SENP8: variants seen among roughly 807,000 people sequenced by gnomAD.
The protein encoded by SENP8 is SUMO peptidase family member, NEDD8 specific.
A neutral mutation model predicts 14.4 loss-of-function variants in SENP8; 10 were observed. That is an observed-to-expected ratio of 0.69 (90% CI 0.43 to 1.18). SENP8 has a LOEUF of 1.18. Ranked by LOEUF, SENP8 falls within the 50% of genes most tolerant of loss-of-function variation. The probability of loss-of-function intolerance (pLI) is 0.00; values close to 1 mark genes in which losing one functional copy is unlikely to be tolerated. For missense variants in SENP8, 202 were observed against 249.4 expected, an observed-to-expected ratio of 0.81 and a Z score of 1.28; for synonymous variants, 94 against 95.5, an observed-to-expected ratio of 0.98 and a Z score of 0.09.
At chr15:72,124,158 A>C (rs754575236) in intron 1 of SENP8, among the ~76,000 whole-genome samples, 18 of 152,216 alleles carry the variant, frequency 1.2e-4, no homozygotes, top group African/African-American at 1.7e-4. Flanking sequence ...AAAATTGAGA[A>C]TATTTCTTAC....
chr15:72,135,955 T>C (rs935049255), intron 1 of SENP8, among the ~76,000 whole-genome samples: 7 of 152,182 alleles, frequency 4.6e-5, no homozygotes, highest in Non-Finnish European at 1.0e-4. Context: ...CTCACAAGTA[T>C]GCAGTGTTTA....
upstream of SENP8, chr15:72,116,826 G>A (rs925482547): frequency 6.6e-6 from 1 of 152,190 alleles, no homozygotes; most frequent in Admixed American, 6.6e-5. Context: ...GAACAGACAA[G>A]ACGAGGTGCA....
At chr15:72,130,557 ATTTT>A (rs11411490) in intron 1 of SENP8, among the ~76,000 whole-genome samples, 55 of 106,128 alleles carry the variant, frequency 5.2e-4, no homozygotes, top group Admixed American at 6.9e-4. Context: ...ATGTTTTAGG[ATTTT>A]TTTTTTTTTT....
chr15:72,132,665 T>TA (rs1284286225), intron 1 of SENP8, among the ~76,000 whole-genome samples: 1 of 151,316 alleles, frequency 6.6e-6, no homozygotes, highest in African/African-American at 2.4e-5. Context: ...TTTTTTTTTT[T>TA]TTTTTTTTTA....
At chr15:72,138,916 G>C (rs1396434015) in intron 1 of SENP8, among the ~76,000 whole-genome samples, 2 of 141,742 alleles carry the variant, frequency 1.4e-5, no homozygotes, top group African/African-American at 5.3e-5. Context: ...AGTGAGCTGA[G>C]ATCGTGCCAC....
At chr15:72,125,511 G>A (rs567632595) in intron 1 of SENP8, among the ~76,000 whole-genome samples, 103 of 151,718 alleles carry the variant, frequency 6.8e-4, no homozygotes, top group African/African-American at 2.5e-3. Flanking sequence ...TTGATGTAAG[G>A]TATGAGGTAA....
At chr15:72,131,719 C>T (rs905515380) in intron 1 of SENP8, among the ~76,000 whole-genome samples, 2 of 152,170 alleles carry the variant, frequency 1.3e-5, no homozygotes, top group East Asian at 3.8e-4. Flanking sequence ...ACTGACAACA[C>T]ATTAACATCA....
At chr15:72,134,673 C>G (rs192085137) in intron 1 of SENP8, 1 of 211,488 alleles carries the variant, frequency 4.7e-6, no homozygotes, top group Non-Finnish European at 1.0e-5. Context: ...GGAGAGGTAT[C>G]CAATATATGT....
intron 1 of SENP8, among the ~76,000 whole-genome samples, chr15:72,128,439 T>C (rs1382416439): frequency 6.6e-6 from 1 of 152,216 alleles, no homozygotes; most frequent in East Asian, 1.9e-4. Flanking sequence ...AGGTAATTAT[T>C]AGACTGTTCC....
At chr15:72,121,210 A>C (rs2081164404) in intron 1 of SENP8, among the ~76,000 whole-genome samples, 1 of 152,190 alleles carries the variant, frequency 6.6e-6, no homozygotes, top group Non-Finnish European at 1.5e-5. Context: ...ATACCAGAAA[A>C]TAAATCAGGA....
upstream of SENP8, chr15:72,117,620 G>A (rs904411866): frequency 2.5e-6 from 1 of 393,936 alleles, no homozygotes; most frequent in Non-Finnish European, 4.5e-6. Context: ...GCCAAATAGC[G>A]AGGCTGAGAC....
chr15:72,129,024 A>G (rs1185795233), intron 1 of SENP8, among the ~76,000 whole-genome samples: 1 of 152,204 alleles, frequency 6.6e-6, no homozygotes, highest in Non-Finnish European at 1.5e-5. Context: ...AGTAAAACAG[A>G]TTTATCTGGA....
At chr15:72,130,670 TCTC>T in intron 1 of SENP8, among the ~76,000 whole-genome samples, 1 of 150,770 alleles carries the variant, frequency 6.6e-6, no homozygotes, top group East Asian at 2.0e-4. Flanking sequence ...TTCAAGCAAT[TCTC>T]CTGCCTCAGC....
intron 1 of SENP8, among the ~76,000 whole-genome samples, chr15:72,134,137 A>G (rs182658651): frequency 1.4e-3 from 211 of 152,172 alleles, no homozygotes; most frequent in African/African-American, 4.5e-3. Context: ...GTAGAGACAG[A>G]GTTTCACCAT....
chr15:72,117,055 A>G (rs1431432876), upstream of SENP8: 2 of 152,332 alleles, frequency 1.3e-5, no homozygotes, highest in Middle Eastern at 3.2e-3. Context: ...AAGGAGAAAG[A>G]TAACAAGGTT....
chr15:72,124,263 T>C (rs2081193339), intron 1 of SENP8, among the ~76,000 whole-genome samples: 1 of 152,244 alleles, frequency 6.6e-6, no homozygotes, highest in African/African-American at 2.4e-5. Context: ...ATTAAAACTC[T>C]AGCTTGTCAG....
At chr15:72,126,273 AG>A (rs1221156464) in intron 1 of SENP8, among the ~76,000 whole-genome samples, 1 of 152,144 alleles carries the variant, frequency 6.6e-6, no homozygotes, top group African/African-American at 2.4e-5. Context: ...CCATATTTCA[AG>A]AACTCAATAG....
intron 1 of SENP8, among the ~76,000 whole-genome samples, chr15:72,129,607 C>T (rs1161069314): frequency 2.0e-5 from 3 of 149,694 alleles, no homozygotes; most frequent in African/African-American, 7.4e-5. Context: ...AAACTCCTGA[C>T]CTCAGGTGAT....
intron 1 of SENP8, among the ~76,000 whole-genome samples, chr15:72,120,725 G>A (rs987591536): frequency 6.6e-6 from 1 of 152,048 alleles, no homozygotes; most frequent in African/African-American, 2.4e-5. Flanking sequence ...ATAAAATCTG[G>A]CAGCAGGTCT....
Sources: gnomAD v4.1 joint callset for allele counts (sites outside exome capture counted in the v4.1 genomes callset) on GRCh38, gnomAD v4.1.1 for gene constraint, MANE v1.5 for transcripts, NCBI Gene and HGNC (gene_info 2026-07-23, HGNC 2026-07-21) for gene names.